The following INTS3 variants were observed in gnomAD, a reference collection of about 807,000 sequenced individuals.
INTS3 encodes SOSS complex subunit A.
In INTS3, 34 loss-of-function variants were observed where a neutral mutation model predicts 146.3. The ratio of observed to expected loss-of-function variants is 0.23; its 90% CI spans 0.18 to 0.31. INTS3 has a LOEUF of 0.31. Ranked by LOEUF, INTS3 falls within the 10% of genes least tolerant of loss-of-function variation. The pLI is 1.00. For missense variants in INTS3, 757 were observed against 1,304.2 expected (o/e 0.58, Z 6.46); for synonymous variants, 475 against 494.9 (o/e 0.96, Z 0.53).
At chr1:153,770,507 C>G (rs1672804438) in intron 24 of INTS3, among the ~76,000 whole-genome samples, 178 bp from the exon 25 acceptor site, 1 of 152,160 alleles carries the variant, frequency 6.6e-6, no homozygotes, top group Non-Finnish European at 1.5e-5. Context: ...GAGCCAGGCT[C>G]TGGGCTGGGG....
intron 7 of INTS3, chr1:153,751,948 C>T: frequency 3.3e-6 from 1 of 307,548 alleles, no homozygotes. Context: ...TTCTGGGGCT[C>T]AACTTGCCAG....
chr1:153,748,647 T>C, intron 5 of INTS3, 42 bp from the exon 6 acceptor site: 3 of 1,528,744 alleles, frequency 2.0e-6, no homozygotes, highest in South Asian at 2.2e-5. Context: ...ATTGGCTGAC[T>C]TGCTAATCGG....
At chr1:153,741,175 A>T in intron 2 of INTS3, 110 bp from the exon 3 acceptor site, 1 of 786,186 alleles carries the variant, frequency 1.3e-6, no homozygotes, top group East Asian at 2.4e-5. Flanking sequence ...AAAGTTGATT[A>T]TTCTCCTTTG....
intron 14 of INTS3, among the ~76,000 whole-genome samples, chr1:153,762,260 C>G (rs1256498008): frequency 6.6e-6 from 1 of 152,156 alleles, no homozygotes; most frequent in East Asian, 1.9e-4. Context: ...ACCAGCCTGG[C>G]CAACATCATG....
chr1:153,762,754 G>A lies in INTS3; in HGVS notation c.1543G>A (p.Glu515Lys), dbSNP rs1195861045. Residue 515 changes from glutamate to lysine, a missense_variant, in exon 15 of 30, where the codon GAG becomes AAG. This residue lies in a region of INTS3 where 97 missense variants were observed against 113.6 expected (regional missense o/e 0.85). Transcript: ENST00000318967. Reference protein sequence around the residue: ...EVKIEEPVSMEMDNHMSDKDE... With the variant: ...EVKIEEPVSMKMDNHMSDKDE... ...CAAAATTGAGGAGCCAGTTTCCATG[G>A]AGATGGACAACCATATGTCGGATAA... 31 of 1,614,144 alleles carry A rather than the reference G, an allele frequency of 1.9e-5. No homozygotes were observed. Among genetic ancestry groups the A allele is most frequent in the Non-Finnish European group, 2.6e-5 (31 of 1,180,012 alleles).
Position 153,773,137 on chromosome 1 carries a change from G to A in INTS3, c.3051+56G>A, listed in dbSNP as rs559924287. The A allele has an allele frequency of 2.0e-5, 32 of 1,613,528 alleles. No homozygotes were observed. The South Asian group carries it at 2.1e-4, about 11-fold the overall frequency. ...AGGAGCACTGGGTGCAGGTGGAGTC[G>A]GCGCCAGCAGCTGCCCAGGCTGTTA... On this transcript the variant is annotated intron_variant, in intron 29 of 29. Coordinates refer to ENST00000318967, the MANE Select transcript of INTS3 (RefSeq NM_023015.5).
chr1:153,739,365 G>A (rs1322157913), intron 1 of INTS3, among the ~76,000 whole-genome samples: 2 of 123,516 alleles, frequency 1.6e-5, no homozygotes, highest in Non-Finnish European at 3.5e-5. Context: ...GCGCCCGGCC[G>A]GAGTTTCACT....
Position 153,748,697 on chromosome 1 carries a change from G to T in INTS3, c.526G>T (p.Val176Phe). 6.2e-7 allele frequency: 1 copy of T among 1,613,994 alleles called. No homozygotes were observed. The highest frequency in any genetic ancestry group is 1.1e-5 in the South Asian group (1 of 91,080). The change falls in exon 6 of 30, where the codon GTT (valine) becomes TTT (phenylalanine). Residue 176 changes from valine (V) to phenylalanine (F), a missense_variant. Around this residue, in one of 8 missense-constraint regions of INTS3, gnomAD observed 134 missense variants for 243.1 expected, o/e 0.55. Coordinates refer to ENST00000318967, the MANE Select transcript of INTS3 (RefSeq NM_023015.5). ...TCCCCTTTTGAAATCAGGTGGAGAT[G>T]TTACAGCCAAAAATATCTGGTTGGC... ...TFMKQIAGGD[V>F]TAKNIWLAES...
At chr1:153,744,964 G>C (rs113750757) in intron 3 of INTS3, among the ~76,000 whole-genome samples, 1 of 152,100 alleles carries the variant, frequency 6.6e-6, no homozygotes, top group African/African-American at 2.4e-5. Flanking sequence ...AATCTCTTAT[G>C]TCATCTGGGG....
chr1:153,741,096 A>C (rs981440046), intron 2 of INTS3, among the ~76,000 whole-genome samples, 189 bp from the exon 3 acceptor site: 2 of 152,134 alleles, frequency 1.3e-5, no homozygotes, highest in Non-Finnish European at 2.9e-5. Flanking sequence ...GTGCACCACC[A>C]CACCTGTCGT....
intron 1 of INTS3, among the ~76,000 whole-genome samples, chr1:153,729,429 G>A (rs539251075): frequency 6.6e-6 from 1 of 152,336 alleles, no homozygotes; most frequent in East Asian, 1.9e-4. Flanking sequence ...AAGGTGGAGC[G>A]AAGAAATGGA....
chr1:153,763,102 G>A lies in INTS3; in HGVS notation c.1637-131G>A, dbSNP rs1672444949. Reference sequence around the variant, plus strand: ...TGTGCACAGTCAGGGAGATGCTTCAGGCACTCACACAGCATTGAGGAAACA... The same window carrying A: ...TGTGCACAGTCAGGGAGATGCTTCAAGCACTCACACAGCATTGAGGAAACA... On this transcript the variant is annotated intron_variant, in intron 15 of 29. Coordinates refer to ENST00000318967, the MANE Select transcript of INTS3 (RefSeq NM_023015.5). 13 of 1,214,444 alleles carry A rather than the reference G, an allele frequency of 1.1e-5. No homozygotes were observed. In the South Asian group the frequency reaches 1.6e-4, roughly 15 times the overall value. The allele number at this position is 1,214,444 out of a possible 1,614,324, so 75.2% of individuals were successfully genotyped here.
rs767127579 is a variant in INTS3, at chr1:153,728,551, A to G, written c.-84A>G. 5.4e-6 allele frequency: 8 copies of G among 1,478,610 alleles called. No individual in the cohort carries two copies. Among genetic ancestry groups the G allele is most frequent in the Non-Finnish European group, 7.2e-6 (8 of 1,110,560 alleles). 91.6% of individuals were successfully genotyped at this position (1,478,610 alleles called of 1,614,324 possible). ...CCCCAACTTGTTCCTCTTGCCCCCC[A>G]GTCCCTGGCAATCCAGAGATCCCGA... On this transcript the variant is annotated 5_prime_UTR_variant, in exon 1 of 30. Coordinates refer to ENST00000318967, the MANE Select transcript of INTS3 (RefSeq NM_023015.5).
chr1:153,755,198 C>G (rs1317100334), intron 9 of INTS3, among the ~76,000 whole-genome samples: 2 of 151,964 alleles, frequency 1.3e-5, no homozygotes, highest in African/African-American at 4.8e-5. Flanking sequence ...GTTAAAGATG[C>G]AGCTTCCTGG....
chr1:153,772,305 ACACT>A lies in INTS3; in HGVS notation c.2721-32_2721-29del. On this transcript the variant is annotated intron_variant, in intron 26 of 29. Coordinates refer to ENST00000318967, the MANE Select transcript of INTS3 (RefSeq NM_023015.5). The surrounding 1 kb of genome is among the most constrained non-coding windows in gnomAD (Gnocchi z 4.6). ...GTGTCTCGCACTCTGGAACCCTCCCACACTCAGACTCTGGCTCTGGTGATTCCTG... is the reference window on the plus strand; with the variant it reads ...GTGTCTCGCACTCTGGAACCCTCCCACAGACTCTGGCTCTGGTGATTCCTG... 6.2e-7 allele frequency: 1 copy of A among 1,605,282 alleles called. No individual in the cohort carries two copies. Among genetic ancestry groups the A allele is most frequent in the South Asian group, 1.1e-5 (1 of 89,994 alleles).
rs200086354 is a variant in INTS3 at position 153,773,998 on chromosome 1, G to GTT, written c.*736_*737dup. 23 of 155,524 alleles carry GTT rather than the reference G, an allele frequency of 1.5e-4. No homozygotes were observed. The highest frequency in any genetic ancestry group is 5.3e-4 in the African/African-American group (20 of 38,028). The allele number at this position is 155,524 out of a possible 1,614,324, so 9.6% of individuals were successfully genotyped here. On this transcript the variant is annotated 3_prime_UTR_variant, in exon 30 of 30. Transcript: ENST00000318967. ...TTTCCTTGAGTCTGTTTTTTTTTTTGTTTTTTTTTGTTTTTTTTTTGGCAG... is the reference window on the plus strand; with the variant it reads ...TTTCCTTGAGTCTGTTTTTTTTTTTGTTTTTTTTTTTGTTTTTTTTTTGGCAG...
At chr1:153,761,925 C>G (rs1295020750) in intron 14 of INTS3, among the ~76,000 whole-genome samples, 4 of 152,224 alleles carry the variant, frequency 2.6e-5, no homozygotes, top group Non-Finnish European at 5.9e-5. Flanking sequence ...CTCCTAGTAA[C>G]TCCTGCTCAG....
chr1:153,736,327 G>A (rs1463654658), intron 1 of INTS3, among the ~76,000 whole-genome samples: 1 of 152,180 alleles, frequency 6.6e-6, no homozygotes. Context: ...ATAGCTATGG[G>A]AGCTACAAAC....
chr1:153,769,439 T>C (rs1672727647), intron 22 of INTS3, among the ~76,000 whole-genome samples: 1 of 152,038 alleles, frequency 6.6e-6, no homozygotes, highest in Non-Finnish European at 1.5e-5. Context: ...CACCCAAGAA[T>C]CCTCCTTCCT....
Sources: allele counts gnomAD v4.1 joint callset (sites outside exome capture counted in the v4.1 genomes callset), GRCh38; gene constraint gnomAD v4.1.1; regional missense constraint gnomAD v4.1.1; non-coding constraint Gnocchi (gnomAD v3.1); transcripts MANE v1.5; gene names NCBI Gene and HGNC (gene_info 2026-07-23, HGNC 2026-07-21).